The following KCNA2 variants were observed in gnomAD, a reference collection of about 807,000 sequenced individuals.
KCNA2 encodes the protein potassium channel, voltage gated shaker related subfamily A, member 2.
A neutral mutation model predicts 33.4 loss-of-function variants in KCNA2; 11 were observed. The ratio of observed to expected loss-of-function variants is 0.33; its 90% confidence interval spans 0.21 to 0.55. The LOEUF (loss-of-function observed/expected upper bound fraction) is 0.55, where lower values mean the gene tolerates loss of function less well. Among genes scored for constraint, KCNA2 ranks in the 20% least tolerant of loss-of-function variants. KCNA2 has a pLI of 0.93. For missense variants in KCNA2, 291 were observed against 621.6 expected (o/e 0.47, Z 5.66); for synonymous variants, 222 against 231.3 (o/e 0.96, Z 0.37).
Position 110,594,053 on chromosome 1 carries a change from T to G in KCNA2, c.*9230A>C. ...CCTCTTATCACCATGGAGACCCCAG[T>G]TCCCTTTCGGCATCATCCTTACGAA... On this transcript the variant is annotated 3_prime_UTR_variant, in exon 3 of 3. Transcript: ENST00000316361. 6.7e-7 allele frequency: 1 copy of G among 1,488,814 alleles called. No homozygotes were observed. Among genetic ancestry groups the G allele is most frequent in the Non-Finnish European group, 8.9e-7 (1 of 1,121,396 alleles). The allele number at this position is 1,488,814 out of a possible 1,614,324, so 92.2% of individuals were successfully genotyped here.
At position 110,593,718 on chromosome 1, in the gene KCNA2, C is replaced by A. The variant is rs1340703007; in HGVS notation, c.*9565G>T. 8 of 596,832 alleles carry A rather than the reference C, an allele frequency of 1.3e-5. No individual in the cohort carries two copies. The Admixed American group carries it at 1.8e-4, about 13-fold the overall frequency. 37.0% of individuals were successfully genotyped at this position (596,832 alleles called of 1,614,324 possible). A position where few individuals can be genotyped will look rare whatever the true frequency, so the allele number is the denominator to read the frequency against. On this transcript the variant is annotated 3_prime_UTR_variant, in exon 3 of 3. Transcript: ENST00000316361. ...GGAGCTCTATGAAGTCTATGTACAC[C>A]CATGATCAGGTGGACAGGCAATGTT...
chr1:110,626,333 T>TG (rs1164380211), intron 1 of KCNA2, among the ~76,000 whole-genome samples: 1 of 151,924 alleles, frequency 6.6e-6, no homozygotes, highest in Non-Finnish European at 1.5e-5. Context: ...TATTATAAAG[T>TG]GAAAAAAAAG....
At chr1:110,631,415 G>C (rs950682090) in exon 1 of KCNA2, 1 of 152,338 alleles carries the variant, frequency 6.6e-6, no homozygotes, top group African/African-American at 2.4e-5. Flanking sequence ...GCCCAGCGGA[G>C]GCTCTCCTGC....
At position 110,596,163 on chromosome 1, in the gene KCNA2, A is replaced by T; in HGVS notation, c.*7120T>A. 1.0e-6 allele frequency: 1 copy of T among 985,324 alleles called. No homozygotes were observed. The highest frequency in any genetic ancestry group is 1.7e-5 in the African/African-American group (1 of 57,310). The allele number at this position is 985,324 out of a possible 1,614,324, so 61.0% of individuals were successfully genotyped here. ...TTCTAGAGAGGTCCCTAAGCAGAAA[A>T]AAAAAGAGTAGAACTGGAGAGGTGA... On this transcript the variant is annotated 3_prime_UTR_variant, in exon 3 of 3. Coordinates refer to ENST00000316361, the MANE Select transcript of KCNA2 (RefSeq NM_004974.4).
At chr1:110,623,468 C>G (rs1650310389) in intron 1 of KCNA2, among the ~76,000 whole-genome samples, 1 of 152,166 alleles carries the variant, frequency 6.6e-6, no homozygotes, top group African/African-American at 2.4e-5. Context: ...ATAAATTAAA[C>G]CTCGCTGAAT....
Position 110,602,104 on chromosome 1 carries a change from A to T in KCNA2, c.*1179T>A. The T allele has an allele frequency of 1.3e-6, 2 of 1,550,592 alleles. No homozygotes were observed. Among genetic ancestry groups the T allele is most frequent in the Non-Finnish European group, 1.7e-6 (2 of 1,146,994 alleles). On this transcript the variant is annotated 3_prime_UTR_variant, in exon 3 of 3. Transcript: ENST00000316361. ...GCGACTAGGTTAATTCCTAAGGTGC[A>T]GTCATGTGAGGTGTTCAGATGCTGC...
chr1:110,622,981 A>C (rs984782487), intron 1 of KCNA2, among the ~76,000 whole-genome samples: 1 of 152,352 alleles, frequency 6.6e-6, no homozygotes, highest in Non-Finnish European at 1.5e-5. Context: ...AAATTGAGCT[A>C]TACAATACTG....
In KCNA2 at chr1:110,598,026, G is replaced by A; in HGVS notation, c.*5257C>T. On this transcript the variant is annotated 3_prime_UTR_variant, in exon 3 of 3. Coordinates refer to ENST00000316361, the MANE Select transcript of KCNA2 (RefSeq NM_004974.4). The stretch of plus-strand genomic sequence containing the variant: ...GCTAAGTCTGAAGATATAGATGATG[G>A]TCACAATAGCTACTGAGAGAGCTCC... 5.1e-6 allele frequency: 5 copies of A among 985,354 alleles called. No individual in the cohort carries two copies. Among genetic ancestry groups the A allele is most frequent in the Non-Finnish European group, 4.8e-6 (4 of 829,936 alleles). 61.0% of individuals were successfully genotyped at this position (985,354 alleles called of 1,614,324 possible). A position where few individuals can be genotyped will look rare whatever the true frequency, so the allele number is the denominator to read the frequency against.
At position 110,597,717 on chromosome 1, in the gene KCNA2, C is replaced by T. The variant is rs1481931098; in HGVS notation, c.*5566G>A. ...AAGTCAAGGGCATTATCTGATAATC[C>T]AGGTACTATCTATCACTTTTCAGTC... On this transcript the variant is annotated 3_prime_UTR_variant, in exon 3 of 3. Coordinates refer to ENST00000316361, the MANE Select transcript of KCNA2 (RefSeq NM_004974.4). 3 of 985,170 alleles carry T rather than the reference C, an allele frequency of 3.0e-6. No individual in the cohort carries two copies. Among genetic ancestry groups the T allele is most frequent in the Admixed American group, 6.2e-5 (1 of 16,252 alleles). 61.0% of individuals were successfully genotyped at this position (985,170 alleles called of 1,614,324 possible). A position where few individuals can be genotyped will look rare whatever the true frequency, so the allele number is the denominator to read the frequency against.
intron 1 of KCNA2, among the ~76,000 whole-genome samples, chr1:110,624,991 A>G (rs1204477712): frequency 6.6e-6 from 1 of 152,234 alleles, no homozygotes; most frequent in Non-Finnish European, 1.5e-5. Context: ...CCTTGGCATC[A>G]TCCTGACTTC....
intron 1 of KCNA2, among the ~76,000 whole-genome samples, chr1:110,630,928 T>C (rs1650539430): frequency 6.6e-6 from 1 of 152,176 alleles, no homozygotes; most frequent in Non-Finnish European, 1.5e-5. Flanking sequence ...CTGGTCTTCC[T>C]TTCCACCACC....
chr1:110,623,843 A>G (rs1013006992), intron 1 of KCNA2, among the ~76,000 whole-genome samples: 3 of 152,214 alleles, frequency 2.0e-5, no homozygotes, highest in East Asian at 3.8e-4. Context: ...CTAATGGATA[A>G]TAAGCACATG....
chr1:110,598,201 G>A lies in KCNA2; in HGVS notation c.*5082C>T, dbSNP rs1297997434. 1.1e-5 allele frequency: 6 copies of A among 545,082 alleles called. No individual in the cohort carries two copies. Among genetic ancestry groups the A allele is most frequent in the East Asian group, 1.5e-4 (1 of 6,766 alleles). The allele number at this position is 545,082 out of a possible 1,614,324, so 33.8% of individuals were successfully genotyped here. On this transcript the variant is annotated 3_prime_UTR_variant, in exon 3 of 3. Transcript: ENST00000316361. ...GAGCACCATGGATATTATAGCCCTCGCAGATGAGGCGGCCATCACCCACAT... is the reference window on the plus strand; with the variant it reads ...GAGCACCATGGATATTATAGCCCTCACAGATGAGGCGGCCATCACCCACAT...
rs1650521781 is a variant in KCNA2, at chr1:110,630,453, C to T, written c.-496+942G>A. 6.6e-5 allele frequency among the ~76,000 whole-genome samples: 10 copies of T among 152,356 alleles called. No individual in the cohort carries two copies. In the South Asian group the frequency reaches 1.4e-3, roughly 22 times the overall value. ...AGTCAGAACCTACTTGTGGCACTCA[C>T]CTCCGTGTCCCCAGTGCCCAGCACA... On this transcript the variant is annotated intron_variant, in intron 1 of 4. Transcript: ENST00000369770.
chr1:110,620,836 C>G (rs143963383), intron 1 of KCNA2, among the ~76,000 whole-genome samples: 141 of 152,302 alleles, frequency 9.3e-4, no homozygotes, highest in African/African-American at 3.3e-3. Context: ...ACAAACTGCT[C>G]TTATTATGTA....
rs1649446551 is a variant in KCNA2 at position 110,603,426 on chromosome 1, T to A, written c.1357A>T (p.Ile453Phe). The change falls in exon 3 of 3, where the codon ATT becomes TTT. Residue 453 changes from isoleucine to phenylalanine, a missense_variant. Coordinates refer to ENST00000316361, the MANE Select transcript of KCNA2 (RefSeq NM_004974.4). The surrounding 1 kb of genome is among the most constrained non-coding windows in gnomAD (Gnocchi z 5.7). ...DLKKSRSAST[I>F]SKSDYMEIQE... The stretch of plus-strand genomic sequence containing the variant: ...ATCTCCATGTAATCAGACTTACTAA[T>A]GGTAGAGGCACTTCTACTTTTCTTT... 6.2e-7 allele frequency: 1 copy of A among 1,614,090 alleles called. No homozygotes were observed.
Position 110,604,524 on chromosome 1 carries a change from C to T in KCNA2, c.259G>A (p.Ala87Thr). The T allele has an allele frequency of 6.2e-7, 1 of 1,614,222 alleles. No individual in the cohort carries two copies. The highest frequency in any genetic ancestry group is 8.5e-7 in the Non-Finnish European group (1 of 1,180,032). ...FFDRNRPSFD[A>T]ILYYYQSGGR... Reference sequence around the variant, plus strand: ...CCTGACTGGTAGTAGTACAAAATGGCATCAAAGCTAGGGCGGTTCCGATCG... The same window carrying T: ...CCTGACTGGTAGTAGTACAAAATGGTATCAAAGCTAGGGCGGTTCCGATCG... Residue 87 changes from alanine (A) to threonine (T), a missense_variant, in exon 3 of 3, where the codon GCC (alanine) becomes ACC (threonine). Around this residue, in one of 5 missense-constraint regions of KCNA2, gnomAD observed 163 missense variants for 273.5 expected, o/e 0.60. Transcript: ENST00000316361. The surrounding 1 kb of genome is among the most constrained non-coding windows in gnomAD (Gnocchi z 7.6).
At chr1:110,615,738 C>A (rs187207004) in intron 1 of KCNA2, among the ~76,000 whole-genome samples, 1 of 152,128 alleles carries the variant, frequency 6.6e-6, no homozygotes, top group Non-Finnish European at 1.5e-5. Context: ...GCAGAACCAA[C>A]GTGTATCTAG....
At chr1:110,606,637 G>A (rs115812278), upstream of KCNA2, 15,348 of 152,430 alleles carry the variant, frequency 0.1, 1,011 homozygotes, top group Non-Finnish European at 0.15. Flanking sequence ...CCTGCTGCGG[G>A]CCCAAGCGCA....
Sources: allele counts gnomAD v4.1 joint callset (sites outside exome capture counted in the v4.1 genomes callset), GRCh38; gene constraint gnomAD v4.1.1; regional missense constraint gnomAD v4.1.1; non-coding constraint Gnocchi (gnomAD v3.1); transcripts MANE v1.5; gene names NCBI Gene and HGNC (gene_info 2026-07-23, HGNC 2026-07-21).